Variants in MACROD2 observed in about 807,000 individuals in gnomAD.
MACROD2 encodes the protein ADP-ribose glycohydrolase MACROD2.
A neutral mutation model predicts 70.4 loss-of-function variants in MACROD2; 36 were observed. The ratio of observed to expected loss-of-function variants is 0.51; its 90% CI spans 0.39 to 0.68. MACROD2 has a LOEUF of 0.68. Among genes scored for constraint, MACROD2 ranks in the 30% least tolerant of loss-of-function variants. The probability of loss-of-function intolerance (pLI) is 0.00; values close to 1 mark genes in which losing one functional copy is unlikely to be tolerated. For missense variants in MACROD2, 496 were observed against 538.4 expected, an observed-to-expected ratio of 0.92 and a Z score of 0.78; for synonymous variants, 172 against 178.8, an observed-to-expected ratio of 0.96 and a Z score of 0.30.
intron 5 of MACROD2, among the ~76,000 whole-genome samples, chr20:15,137,303 C>A (rs1042860312): frequency 1.3e-5 from 2 of 152,070 alleles, no homozygotes; most frequent in Admixed American, 6.5e-5. Flanking sequence ...AGACTTGGAA[C>A]CAACCCAGAT....
At chr20:14,981,060 G>C (rs981931226) in intron 5 of MACROD2, among the ~76,000 whole-genome samples, 4 of 151,328 alleles carry the variant, frequency 2.6e-5, no homozygotes, top group Non-Finnish European at 4.4e-5. Context: ...GTGCATGTGT[G>C]TATGTGTGTG....
intron 1 of MACROD2, among the ~76,000 whole-genome samples, chr20:13,999,539 TTG>T (rs1569107623): frequency 6.6e-6 from 1 of 152,210 alleles, no homozygotes; most frequent in African/African-American, 2.4e-5. Context: ...AGGCGAAATA[TTG>T]TGAGGTTAAG....
At chr20:15,185,266 T>G (rs1279934570) in intron 5 of MACROD2, among the ~76,000 whole-genome samples, 2 of 152,312 alleles carry the variant, frequency 1.3e-5, no homozygotes, top group South Asian at 4.1e-4. Flanking sequence ...AATTAGTCTG[T>G]CAGCTTTTAA....
rs150320380 is a variant in MACROD2, at chr20:14,935,735, T to C, written c.418+250776T>C. On this transcript the variant is annotated intron_variant, in intron 5 of 17. Coordinates refer to ENST00000684519, the MANE Select transcript of MACROD2 (RefSeq NM_001351661.2). ...CACTACCACAGTGAACTGCTATCAT[T>C]GAAGGGAGCACGTTAAATCCTTCCA... 3.3e-5 allele frequency among the ~76,000 whole-genome samples: 5 copies of C among 152,260 alleles called. No individual in the cohort carries two copies. In the East Asian group the frequency reaches 7.7e-4, roughly 24 times the overall value.
At chr20:14,277,711 G>A (rs188938665) in intron 3 of MACROD2, among the ~76,000 whole-genome samples, 1 of 152,152 alleles carries the variant, frequency 6.6e-6, no homozygotes, top group East Asian at 1.9e-4. Flanking sequence ...AAAAAAGAGA[G>A]AGTGAGAGAG....
intron 8 of MACROD2, among the ~76,000 whole-genome samples, chr20:15,760,747 A>G (rs750497031): frequency 6.6e-6 from 1 of 152,184 alleles, no homozygotes; most frequent in Non-Finnish European, 1.5e-5. Context: ...TTCAGCTCAT[A>G]TTTCCTGAGT....
chr20:14,762,311 A>G (rs1261179253), intron 5 of MACROD2, among the ~76,000 whole-genome samples: 5 of 152,114 alleles, frequency 3.3e-5, no homozygotes, highest in African/African-American at 1.2e-4. Flanking sequence ...AGCTAAGAAG[A>G]CTTACTCAGG....
chr20:15,062,771 A>G (rs930589200), intron 5 of MACROD2, among the ~76,000 whole-genome samples: 9 of 152,172 alleles, frequency 5.9e-5, no homozygotes, highest in Admixed American at 3.9e-4. Context: ...GATTCTAGTG[A>G]TGTCTGTACG....
At chr20:15,141,225 T>C (rs1462666350) in intron 5 of MACROD2, among the ~76,000 whole-genome samples, 1 of 152,048 alleles carries the variant, frequency 6.6e-6, no homozygotes, top group Non-Finnish European at 1.5e-5. Context: ...TGTGTTTGCA[T>C]AAGGAGTGCA....
chr20:14,836,047 C>A (rs1258521689), intron 5 of MACROD2, among the ~76,000 whole-genome samples: 1 of 151,924 alleles, frequency 6.6e-6, no homozygotes, highest in East Asian at 1.9e-4. Context: ...TTACAGAATT[C>A]CCCCAAAGAG....
intron 3 of MACROD2, among the ~76,000 whole-genome samples, chr20:14,205,376 G>T (rs545956870): frequency 6.6e-6 from 1 of 152,294 alleles, no homozygotes; most frequent in East Asian, 1.9e-4. Flanking sequence ...TAAGCACAAA[G>T]GAAACCCCTC....
intron 5 of MACROD2, among the ~76,000 whole-genome samples, chr20:14,801,413 A>T (rs1365343603): frequency 1.3e-5 from 2 of 152,146 alleles, no homozygotes; most frequent in Non-Finnish European, 2.9e-5. Context: ...TCATTTGTGC[A>T]GACTTTGTAT....
At chr20:14,308,847 T>G (rs1342577712) in intron 3 of MACROD2, among the ~76,000 whole-genome samples, 1 of 151,976 alleles carries the variant, frequency 6.6e-6, no homozygotes, top group Non-Finnish European at 1.5e-5. Context: ...AAAATAAAGA[T>G]GGAGGGAGTG....
chr20:15,511,945 C>T (rs2047505653), intron 8 of MACROD2, among the ~76,000 whole-genome samples: 1 of 152,202 alleles, frequency 6.6e-6, no homozygotes, highest in South Asian at 2.1e-4. Context: ...AAAATTTCTT[C>T]AGGTAGTGGT....
At chr20:15,565,692 T>C (rs535300045) in intron 8 of MACROD2, among the ~76,000 whole-genome samples, 15 of 152,276 alleles carry the variant, frequency 9.9e-5, no homozygotes, top group African/African-American at 3.4e-4. Flanking sequence ...CGTAGCTTAC[T>C]GCAGCCTCAA....
chr20:14,443,907 T>C (rs569789865), intron 3 of MACROD2, among the ~76,000 whole-genome samples: 43 of 152,266 alleles, frequency 2.8e-4, no homozygotes, highest in African/African-American at 7.9e-4. Flanking sequence ...CTTAGCACAT[T>C]GCCTAGCACA....
chr20:15,526,850 T>C (rs987962588), intron 8 of MACROD2, among the ~76,000 whole-genome samples: 8 of 152,200 alleles, frequency 5.3e-5, no homozygotes, highest in African/African-American at 1.9e-4. Flanking sequence ...AAATAGAAGA[T>C]AATGACTACT....
rs377569896 is a variant in MACROD2, at chr20:14,002,415, C to T, written c.163+11C>T. On this transcript the variant is annotated intron_variant, in intron 2 of 17. Transcript: ENST00000684519. ...AGGGCCAAAATGATGGTAAGTTTCT[C>T]GGAACATTTTTTAGGTAGATATTTT... is the stretch of plus-strand genomic sequence containing the variant. The T allele has an allele frequency of 1.6e-4, 252 of 1,534,730 alleles. 1 individual carries two copies. The African/African-American group carries it at 3.2e-3, about 19-fold the overall frequency.
intron 3 of MACROD2, among the ~76,000 whole-genome samples, chr20:14,362,774 A>C (rs964783504): frequency 6.6e-6 from 1 of 152,176 alleles, no homozygotes; most frequent in Non-Finnish European, 1.5e-5. Flanking sequence ...CCAGATGTTG[A>C]AATCTCTGGG....
Sources: allele counts gnomAD v4.1 joint callset (sites outside exome capture counted in the v4.1 genomes callset), GRCh38; gene constraint gnomAD v4.1.1; transcripts MANE v1.5; gene names NCBI Gene and HGNC (gene_info 2026-07-23, HGNC 2026-07-21).